SLC9A3: variants seen among roughly 807,000 people sequenced by gnomAD.
The protein encoded by SLC9A3 is solute carrier family 9 member A3, also known as sodium/hydrogen exchanger 3.
Under a neutral mutation model 86.8 loss-of-function variants are expected in SLC9A3, and 37 were observed. The ratio of observed to expected loss-of-function variants is 0.43; its 90% CI spans 0.33 to 0.56. SLC9A3 has a LOEUF of 0.56. Among genes scored for constraint, SLC9A3 ranks in the 20% least tolerant of loss-of-function variants. The probability of loss-of-function intolerance (pLI) is 0.06; values close to 1 mark genes in which losing one functional copy is unlikely to be tolerated. For missense variants in SLC9A3, 1,011 were observed against 1,171.9 expected (o/e 0.86, Z 2.00); for synonymous variants, 581 against 528.3 (o/e 1.10, Z -1.37).
intron 1 of SLC9A3, among the ~76,000 whole-genome samples, chr5:521,953 G>T (rs1329596642): frequency 6.6e-6 from 1 of 152,232 alleles, no homozygotes; most frequent in South Asian, 2.1e-4. Flanking sequence ...GACACCCTGG[G>T]GGCCAATCCG....
intron 10 of SLC9A3, chr5:478,942 C>T (rs534307595): frequency 8.5e-4 from 132 of 154,492 alleles, no homozygotes; most frequent in South Asian, 4.1e-3. Context: ...GCCCCAGTCA[C>T]GGGTGGCACA....
chr5:485,076 T>C (rs1739400384), intron 4 of SLC9A3, 77 bp downstream of exon 4: 1 of 1,104,368 alleles, frequency 9.1e-7, no homozygotes, highest in Admixed American at 1.7e-5. Context: ...TTTTCCTGCA[T>C]GGGCTGCAGG....
Position 504,888 on chromosome 5 carries a change from G to A in SLC9A3, c.212-12817C>T, listed in dbSNP as rs569081936. Among the ~76,000 whole-genome samples the A allele has an allele frequency of 4.6e-3, 693 of 152,030 alleles. 6 individuals carry two copies. Among genetic ancestry groups the A allele is most frequent in the African/African-American group, 0.016 (666 of 41,504 alleles). ...GGCTCACACCTCGGCTAGCAAAGTG[G>A]CTCCCAGACCCGGACGCCTGTGCCT... On this transcript the variant is annotated intron_variant, in intron 1 of 16. Transcript: ENST00000264938.
Position 470,886 on chromosome 5 carries a change from G to A in SLC9A3, c.*2493C>T, listed in dbSNP as rs1356301878. On this transcript the variant is annotated 3_prime_UTR_variant, in exon 17 of 17. Coordinates refer to ENST00000264938, the MANE Select transcript of SLC9A3 (RefSeq NM_004174.4). ...GTATTAAATAGATATCCTAATAAAA[G>A]TTTTTACAAGTTTTCCTAAGGAAAT... The A allele has an allele frequency of 6.6e-6, 1 of 152,320 alleles. No individual in the cohort carries two copies. The highest frequency in any genetic ancestry group is 1.5e-5 in the Non-Finnish European group (1 of 68,030). The allele number at this position is 152,320 out of a possible 1,614,324, so 9.4% of individuals were successfully genotyped here.
chr5:492,894 T>C (rs1325498047), intron 1 of SLC9A3, among the ~76,000 whole-genome samples: 1 of 151,962 alleles, frequency 6.6e-6, no homozygotes, highest in Non-Finnish European at 1.5e-5. Flanking sequence ...TCACGGCCCC[T>C]GGGTGGGGTG....
intron 1 of SLC9A3, among the ~76,000 whole-genome samples, chr5:494,718 GA>G (rs1739940835): frequency 6.6e-6 from 1 of 152,200 alleles, no homozygotes; most frequent in Non-Finnish European, 1.5e-5. Flanking sequence ...CCCGCAGGCT[GA>G]CCCGCGCCTC....
At chr5:477,119 C>T (rs1738795183) in intron 11 of SLC9A3, 1 of 531,740 alleles carries the variant, frequency 1.9e-6, no homozygotes, top group Non-Finnish European at 3.3e-6. Context: ...TCCGCTGCTG[C>T]CCCTCCCTTT....
chr5:473,295 G>A lies in SLC9A3; in HGVS notation c.*84C>T. The A allele has an allele frequency of 7.6e-7, 1 of 1,321,934 alleles. No individual in the cohort carries two copies. The highest frequency in any genetic ancestry group is 9.7e-7 in the Non-Finnish European group (1 of 1,027,362). 81.9% of individuals were successfully genotyped at this position (1,321,934 alleles called of 1,614,324 possible). On this transcript the variant is annotated 3_prime_UTR_variant, in exon 17 of 17. Transcript: ENST00000264938. ...TCGCTGTAGCCGCGCGGGGATCTGG[G>A]GTTTCTCTGGGACAGCGGCGGCGGC... is the stretch of plus-strand genomic sequence containing the variant.
At chr5:489,795 C>T (rs368828777) in intron 2 of SLC9A3, among the ~76,000 whole-genome samples, 12 of 152,226 alleles carry the variant, frequency 7.9e-5, no homozygotes, top group African/African-American at 1.2e-4. Context: ...GTCCTGGGGT[C>T]GGCCGCGTTC....
In SLC9A3 at chr5:491,689, G is replaced by T; in HGVS notation, c.514+80C>A. On this transcript the variant is annotated intron_variant, in intron 2 of 16. Transcript: ENST00000264938. The surrounding 1 kb of genome is among the most constrained non-coding windows in gnomAD (Gnocchi z 9.2). ...CCTGGAGGCCAGGGTGCGGCACCCC[G>T]ACCTTTCTGAGATGAGGCAGCGCCG... 7.5e-7 allele frequency: 1 copy of T among 1,329,258 alleles called. No individual in the cohort carries two copies. Among genetic ancestry groups the T allele is most frequent in the South Asian group, 1.5e-5 (1 of 66,882 alleles). 82.3% of individuals were successfully genotyped at this position (1,329,258 alleles called of 1,614,324 possible).
intron 1 of SLC9A3, among the ~76,000 whole-genome samples, chr5:507,685 C>T (rs1579816984): frequency 1.6e-5 from 2 of 127,410 alleles, no homozygotes; most frequent in East Asian, 2.1e-4. Flanking sequence ...CGCCCGAATC[C>T]CCACCCCGCA....
In SLC9A3 at chr5:491,002, C is replaced by G. The variant is rs564944756; in HGVS notation, c.514+767G>C. On this transcript the variant is annotated intron_variant, in intron 2 of 16. Transcript: ENST00000264938. The surrounding 1 kb of genome is among the most constrained non-coding windows in gnomAD (Gnocchi z 9.2). Reference sequence around the variant, plus strand: ...AGCCCCTTGATTCCCATGGAGAGGCCGGGCCGTGCTCTCTCTTGAACCAGA... The same window carrying G: ...AGCCCCTTGATTCCCATGGAGAGGCGGGGCCGTGCTCTCTCTTGAACCAGA... Among the ~76,000 whole-genome samples, 3 of 152,190 alleles carry G rather than the reference C, an allele frequency of 2.0e-5. No homozygotes were observed. The highest frequency in any genetic ancestry group is 2.9e-5 in the Non-Finnish European group (2 of 68,018).
At chr5:481,461 G>C in intron 9 of SLC9A3, 104 bp downstream of exon 9, 1 of 1,001,428 alleles carries the variant, frequency 1.0e-6, no homozygotes, top group Non-Finnish European at 1.6e-6. Flanking sequence ...GACCAAGCCT[G>C]GACTCAAACA....
intron 16 of SLC9A3, 97 bp downstream of exon 16, chr5:474,784 TTA>T: frequency 3.7e-5 from 2 of 53,676 alleles, no homozygotes; most frequent in Admixed American, 3.4e-4. Flanking sequence ...CGGAGAGGGG[TTA>T]GGCGGGGAGG....
chr5:482,044 C>CG lies in SLC9A3; in HGVS notation c.1446+23_1446+24insC, dbSNP rs779179289. ...CCCGAGGAACACGCAGTGCCCCCCCCCCGCCCCCCAGCCCCGCACTTACGC... is the reference window on the plus strand; with the variant it reads ...CCCGAGGAACACGCAGTGCCCCCCCCGCCGCCCCCCAGCCCCGCACTTACGC... On this transcript the variant is annotated intron_variant, in intron 8 of 16. Coordinates refer to ENST00000264938, the MANE Select transcript of SLC9A3 (RefSeq NM_004174.4). 2.0e-4 allele frequency: 128 copies of CG among 630,084 alleles called. 4 individuals carry two copies. In the East Asian group the frequency reaches 3.7e-3, roughly 18 times the overall value. The allele number at this position is 630,084 out of a possible 1,614,324, so 39.0% of individuals were successfully genotyped here.
chr5:493,442 G>A (rs556332189), intron 1 of SLC9A3, among the ~76,000 whole-genome samples: 48 of 152,378 alleles, frequency 3.2e-4, no homozygotes, highest in Middle Eastern at 3.4e-3. Context: ...TGGCCCTGAC[G>A]AGCTCGGCCC....
At position 476,530 on chromosome 5, in the gene SLC9A3, C is replaced by T. The variant is rs1738748801; in HGVS notation, c.1890+13G>A. The T allele has an allele frequency of 6.2e-7, 1 of 1,609,956 alleles. No homozygotes were observed. Reference sequence around the variant, plus strand: ...CCTGCGGGGTCCTCCAGCCCCCAGCCCGCAGTGCCCACCTCCTGCCGCGGC... The same window carrying T: ...CCTGCGGGGTCCTCCAGCCCCCAGCTCGCAGTGCCCACCTCCTGCCGCGGC... On this transcript the variant is annotated intron_variant, in intron 12 of 16. Coordinates refer to ENST00000264938, the MANE Select transcript of SLC9A3 (RefSeq NM_004174.4).
intron 10 of SLC9A3, chr5:479,619 G>A (rs1362458572): frequency 7.3e-6 from 4 of 551,512 alleles, no homozygotes; most frequent in African/African-American, 3.8e-5. Flanking sequence ...ACCCCCACCA[G>A]CACCACAGTC....
rs1340141286 is a variant in SLC9A3, at chr5:471,666, C to T, written c.*1713G>A. On this transcript the variant is annotated 3_prime_UTR_variant, in exon 17 of 17. Transcript: ENST00000264938. Reference sequence around the variant, plus strand: ...GCATAGAGGATGGCTGCATTTTGTGCTCAGAGTTGGTTGAAATGGCTACGA... The same window carrying T: ...GCATAGAGGATGGCTGCATTTTGTGTTCAGAGTTGGTTGAAATGGCTACGA... 2 of 420,506 alleles carry T rather than the reference C, an allele frequency of 4.8e-6. No homozygotes were observed. Among genetic ancestry groups the T allele is most frequent in the Non-Finnish European group, 9.6e-6 (2 of 208,836 alleles). 26.0% of individuals were successfully genotyped at this position (420,506 alleles called of 1,614,324 possible).
Sources: allele counts gnomAD v4.1 joint callset (sites outside exome capture counted in the v4.1 genomes callset), GRCh38; gene constraint gnomAD v4.1.1; non-coding constraint Gnocchi (gnomAD v3.1); transcripts MANE v1.5; gene names NCBI Gene and HGNC (gene_info 2026-07-23, HGNC 2026-07-21).